Variants in PTPRD observed in about 807,000 individuals in gnomAD.
PTPRD encodes the protein protein tyrosine phosphatase receptor type D.
Under a neutral mutation model 214.5 loss-of-function variants are expected in PTPRD, and 34 were observed. That is an observed-to-expected ratio of 0.16 (90% confidence interval 0.12 to 0.21). PTPRD has a LOEUF of 0.21. PTPRD is among the 10% of genes least tolerant of loss of function. PTPRD has a pLI of 1.00. For missense variants in PTPRD, 2,545 were observed against 2,398.7 expected (o/e 1.06, Z -1.27); for synonymous variants, 1,128 against 845.7 (o/e 1.33, Z -5.79).
intron 8 of PTPRD, among the ~76,000 whole-genome samples, chr9:9,533,388 C>T (rs926317414): frequency 2.6e-5 from 4 of 152,030 alleles, no homozygotes; most frequent in African/African-American, 7.2e-5. Context: ...TTGATATTAG[C>T]TTTTGCTCAG....
intron 33 of PTPRD, chr9:8,454,716 C>A (rs2096111851): frequency 9.9e-7 from 1 of 1,011,840 alleles, no homozygotes; most frequent in Non-Finnish European, 1.5e-6. Flanking sequence ...GGACACATAA[C>A]TGACATACAT....
chr9:9,681,497 C>T (rs949743682), intron 7 of PTPRD, among the ~76,000 whole-genome samples: 1 of 151,614 alleles, frequency 6.6e-6, no homozygotes, highest in Non-Finnish European at 1.5e-5. Flanking sequence ...ATGATCTTGA[C>T]ACATAAGCCC....
chr9:10,603,358 A>G (rs1030972433), intron 2 of PTPRD, among the ~76,000 whole-genome samples: 1 of 151,838 alleles, frequency 6.6e-6, no homozygotes, highest in African/African-American at 2.4e-5. Context: ...CTTTTACAGT[A>G]TCTGTCCTCC....
At chr9:9,791,324 T>C (rs937163578) in intron 5 of PTPRD, among the ~76,000 whole-genome samples, 1 of 151,974 alleles carries the variant, frequency 6.6e-6, no homozygotes, top group Non-Finnish European at 1.5e-5. Context: ...ATTCATAAGA[T>C]CATAGAATCA....
chr9:10,023,378 A>G (rs527261789), intron 4 of PTPRD, among the ~76,000 whole-genome samples: 2 of 152,282 alleles, frequency 1.3e-5, no homozygotes, highest in Admixed American at 1.3e-4. Context: ...ATGGGGTATT[A>G]TAAACTGAAA....
chr9:9,501,974 T>C (rs2096431232), intron 8 of PTPRD, among the ~76,000 whole-genome samples: 1 of 151,890 alleles, frequency 6.6e-6, no homozygotes, highest in South Asian at 2.1e-4. Flanking sequence ...AAACCCTCTT[T>C]ATTGAGGTAT....
intron 3 of PTPRD, among the ~76,000 whole-genome samples, chr9:10,206,995 A>G (rs2099486067): frequency 6.6e-6 from 1 of 152,152 alleles, no homozygotes; most frequent in Admixed American, 6.5e-5. Flanking sequence ...ACTGAGGTCA[A>G]ATGTATACAG....
chr9:8,577,287 T>G (rs1168293899), intron 14 of PTPRD, among the ~76,000 whole-genome samples: 3 of 152,146 alleles, frequency 2.0e-5, no homozygotes, highest in African/African-American at 7.2e-5. Flanking sequence ...GGAGTTTCGC[T>G]CTTGTTGCCC....
chr9:8,512,917 T>C (rs60216701), intron 21 of PTPRD, among the ~76,000 whole-genome samples: 3,479 of 152,148 alleles, frequency 0.023, 120 homozygotes, highest in African/African-American at 0.079. Flanking sequence ...TTATTTCTAC[T>C]TCTTCTATAA....
intron 14 of PTPRD, among the ~76,000 whole-genome samples, chr9:8,574,708 A>C (rs2154241444): frequency 6.6e-6 from 1 of 152,174 alleles, no homozygotes; most frequent in South Asian, 2.1e-4. Context: ...TCATTCAGTA[A>C]AATAAATATC....
At chr9:10,027,325 T>G (rs2096943057) in intron 4 of PTPRD, among the ~76,000 whole-genome samples, 1 of 152,084 alleles carries the variant, frequency 6.6e-6, no homozygotes, top group Non-Finnish European at 1.5e-5. Context: ...GCACAGGCAA[T>G]AAAGCTGGGG....
At chr9:9,344,772 A>C (rs1196310982) in intron 9 of PTPRD, among the ~76,000 whole-genome samples, 1 of 152,046 alleles carries the variant, frequency 6.6e-6, no homozygotes, top group Non-Finnish European at 1.5e-5. Flanking sequence ...ATTTTGAAAA[A>C]GTTTTATAAT....
At chr9:9,203,608 A>G (rs998562826) in intron 9 of PTPRD, among the ~76,000 whole-genome samples, 3 of 151,856 alleles carry the variant, frequency 2.0e-5, no homozygotes, top group African/African-American at 7.3e-5. Flanking sequence ...CCATCCTACC[A>G]TTTTTCCTAT....
rs558947652 is a variant in PTPRD, at chr9:10,430,398, G to T, written c.-599-89381C>A. The stretch of plus-strand genomic sequence containing the variant: ...AAATAATGGTTAAATTACTTTACGC[G>T]TGTGAGTATGCCTCTCTATATACAG... On this transcript the variant is annotated intron_variant, in intron 2 of 45. Coordinates refer to ENST00000381196, the MANE Select transcript of PTPRD (RefSeq NM_002839.4). Among the ~76,000 whole-genome samples the T allele has an allele frequency of 1.1e-4, 16 of 151,884 alleles. No homozygotes were observed. The South Asian group carries it at 3.3e-3, about 31-fold the overall frequency.
intron 12 of PTPRD, among the ~76,000 whole-genome samples, chr9:8,692,941 A>G (rs950105955): frequency 1.3e-5 from 2 of 152,252 alleles, no homozygotes; most frequent in Non-Finnish European, 1.5e-5. Flanking sequence ...GGTTCCATTC[A>G]TCACACCAGG....
intron 2 of PTPRD, among the ~76,000 whole-genome samples, chr9:10,409,194 T>G (rs912863974): frequency 1.3e-5 from 2 of 151,836 alleles, no homozygotes; most frequent in African/African-American, 4.8e-5. Context: ...TGTGCCAACT[T>G]CTGTTATGCA....
intron 7 of PTPRD, among the ~76,000 whole-genome samples, chr9:9,703,189 C>T (rs947680901): frequency 6.6e-6 from 1 of 152,158 alleles, no homozygotes; most frequent in Non-Finnish European, 1.5e-5. Flanking sequence ...CACACTCTTG[C>T]TCTCTCTTGC....
At chr9:10,560,175 T>G (rs1010434232) in intron 2 of PTPRD, among the ~76,000 whole-genome samples, 3 of 152,018 alleles carry the variant, frequency 2.0e-5, no homozygotes, top group Non-Finnish European at 1.5e-5. Flanking sequence ...CCATCAATGA[T>G]AGAATGGATT....
At chr9:10,538,531 T>G (rs1374884289) in intron 2 of PTPRD, among the ~76,000 whole-genome samples, 8 of 152,118 alleles carry the variant, frequency 5.3e-5, no homozygotes, top group Non-Finnish European at 1.2e-4. Flanking sequence ...TTATACAATT[T>G]CTTTATGATG....
Sources: allele counts gnomAD v4.1 joint callset (sites outside exome capture counted in the v4.1 genomes callset), GRCh38; gene constraint gnomAD v4.1.1; transcripts MANE v1.5; gene names NCBI Gene and HGNC (gene_info 2026-07-23, HGNC 2026-07-21).